MROH2B: variants seen among roughly 807,000 people sequenced by gnomAD.
MROH2B encodes the protein maestro heat-like repeat-containing protein family member 2B.
In MROH2B, 177 loss-of-function variants were observed where a neutral mutation model predicts 208.6. The observed-to-expected ratio is 0.85, with a 90% CI of 0.75 to 0.96. The LOEUF (loss-of-function observed/expected upper bound fraction) is 0.96, where lower values mean the gene tolerates loss of function less well. Among genes scored for constraint, MROH2B ranks in the 40% least tolerant of loss-of-function variants. MROH2B has a pLI of 0.00. For synonymous variants in MROH2B, 728 were observed against 659.0 expected (o/e 1.10, Z -1.60); for missense variants, 2,002 against 1,878.7 (o/e 1.07, Z -1.21).
chr5:41,055,766 A>C lies in MROH2B; in HGVS notation c.1009T>G (p.Leu337Val), dbSNP rs752302843. The C allele has an allele frequency of 6.2e-7, 1 of 1,613,854 alleles. No homozygotes were observed. Among genetic ancestry groups the C allele is most frequent in the South Asian group, 1.1e-5 (1 of 91,076 alleles). Residue 337 changes from leucine (L) to valine (V), a missense_variant, in exon 10 of 42, where the codon TTA becomes GTA. By Grantham distance (32) the Leu-to-Val change is conservative. Coordinates refer to ENST00000399564, the MANE Select transcript of MROH2B (RefSeq NM_173489.5). ...EAIRVGILTL[L>V]RLAVNADEPR... ...CCATCAGCATTGACAGCCAATCTTAACAAAGTCAAGATTCCCACTCGAATG... is the reference window on the plus strand; with the variant it reads ...CCATCAGCATTGACAGCCAATCTTACCAAAGTCAAGATTCCCACTCGAATG...
At chr5:41,020,694 A>T (rs996856542) in intron 24 of MROH2B, among the ~76,000 whole-genome samples, 8 of 152,250 alleles carry the variant, frequency 5.3e-5, no homozygotes, top group African/African-American at 1.9e-4. Flanking sequence ...TATAGTTTTT[A>T]AAACAGGCAA....
chr5:41,008,558 T>C (rs774320383), intron 33 of MROH2B, 48 bp downstream of exon 33: 26 of 1,595,498 alleles, frequency 1.6e-5, no homozygotes, highest in Admixed American at 8.4e-5. Flanking sequence ...ACTCCTGGAG[T>C]CTGGGATTAG....
At chr5:41,033,494 G>GT (rs1344235436) in intron 22 of MROH2B, among the ~76,000 whole-genome samples, 1 of 152,046 alleles carries the variant, frequency 6.6e-6, no homozygotes, top group Non-Finnish European at 1.5e-5. Flanking sequence ...AATAGTTATA[G>GT]TTTTTACAAG....
chr5:41,033,223 A>G lies in MROH2B; in HGVS notation c.2242-63T>C, dbSNP rs917817529. On this transcript the variant is annotated intron_variant, in intron 22 of 41. Transcript: ENST00000399564. Reference sequence around the variant, plus strand: ...AGACACCACACTCAGGTCTATTAACATGTGACCTAGCTTTGAAATATGTTC... The same window carrying G: ...AGACACCACACTCAGGTCTATTAACGTGTGACCTAGCTTTGAAATATGTTC... 39 of 1,584,352 alleles carry G rather than the reference A, an allele frequency of 2.5e-5. No homozygotes were observed. In the African/African-American group the frequency reaches 4.3e-4, roughly 17 times the overall value.
At chr5:41,012,042 T>C (rs1741790400) in intron 30 of MROH2B, among the ~76,000 whole-genome samples, 1 of 152,224 alleles carries the variant, frequency 6.6e-6, no homozygotes, top group South Asian at 2.1e-4. Context: ...GAGAGGCATT[T>C]CCATTTGGAG....
At chr5:41,013,222 A>T (rs994639141) in intron 29 of MROH2B, among the ~76,000 whole-genome samples, 8 of 152,190 alleles carry the variant, frequency 5.3e-5, no homozygotes, top group African/African-American at 1.9e-4. Context: ...TGGAGTATGG[A>T]TTATTATGAG....
At chr5:41,000,392 G>C (rs760354092) in intron 38 of MROH2B, 41 bp from the exon 39 acceptor site, 1 of 1,603,348 alleles carries the variant, frequency 6.2e-7, no homozygotes, top group African/African-American at 1.3e-5. Flanking sequence ...CAGAACGTTA[G>C]GATCTCCTTC....
intron 24 of MROH2B, among the ~76,000 whole-genome samples, chr5:41,023,970 G>T (rs543364468): frequency 2.6e-5 from 4 of 152,244 alleles, no homozygotes; most frequent in Admixed American, 1.3e-4. Flanking sequence ...ATCCTTTCCA[G>T]ACAAGCAAAT....
chr5:41,012,437 C>T (rs1404747522), intron 30 of MROH2B, 146 bp downstream of exon 30: 3 of 699,254 alleles, frequency 4.3e-6, no homozygotes, highest in African/African-American at 1.8e-5. Flanking sequence ...TTGTTAAACA[C>T]ACAACGTAGG....
intron 11 of MROH2B, among the ~76,000 whole-genome samples, chr5:41,053,230 A>G (rs762429304): frequency 2.0e-5 from 3 of 152,172 alleles, no homozygotes; most frequent in African/African-American, 4.8e-5. Flanking sequence ...ATTTAGTGCC[A>G]ACTCATTTGG....
chr5:40,998,400 CG>C (rs1303127151), intron 41 of MROH2B, among the ~76,000 whole-genome samples: 1 of 152,150 alleles, frequency 6.6e-6, no homozygotes, highest in Admixed American at 6.5e-5. Context: ...ATTGGAAAAT[CG>C]TAGTCTATTG....
intron 35 of MROH2B, chr5:41,005,143 A>G (rs936916657): frequency 1.7e-6 from 1 of 572,762 alleles, no homozygotes; most frequent in African/African-American, 1.9e-5. Context: ...TTACCTGCAT[A>G]ACAGATGTCT....
intron 26 of MROH2B, 64 bp from the exon 27 acceptor site, chr5:41,018,494 T>C: frequency 6.5e-7 from 1 of 1,537,368 alleles, no homozygotes. Context: ...TTTCATATTC[T>C]CTTTTTCTGT....
intron 30 of MROH2B, among the ~76,000 whole-genome samples, chr5:41,010,830 C>T (rs1197271013): frequency 1.3e-5 from 2 of 152,244 alleles, no homozygotes; most frequent in South Asian, 2.1e-4. Flanking sequence ...AACAAATCTA[C>T]TCTGGTGGGA....
At chr5:41,069,825 A>C (rs528399052) in intron 1 of MROH2B, 73 bp from the exon 2 acceptor site, 5 of 1,147,702 alleles carry the variant, frequency 4.4e-6, no homozygotes, top group Middle Eastern at 2.1e-4. Context: ...TGTAATCAAC[A>C]CAGAAAGTTC....
Position 41,004,159 on chromosome 5 carries a change from T to C in MROH2B, c.4194+187A>G, listed in dbSNP as rs574913875. ...TAGATCAATCATGACTGCCAGGCCA[T>C]AGAGCACCCTCAGGCAGAGAGATAC... On this transcript the variant is annotated intron_variant, in intron 37 of 41. Coordinates refer to ENST00000399564, the MANE Select transcript of MROH2B (RefSeq NM_173489.5). Among the ~76,000 whole-genome samples, 126 of 152,274 alleles carry C rather than the reference T, an allele frequency of 8.3e-4. 4 individuals are homozygous for C. The South Asian group carries it at 0.025, about 30-fold the overall frequency.
chr5:41,026,307 C>G (rs186307057), intron 24 of MROH2B, among the ~76,000 whole-genome samples: 2,212 of 152,304 alleles, frequency 0.015, 25 homozygotes, highest in Non-Finnish European at 0.022. Flanking sequence ...AGCCCAAAAT[C>G]TACTTAAGCT....
intron 17 of MROH2B, 115 bp downstream of exon 17, chr5:41,047,606 G>T: frequency 2.1e-6 from 2 of 937,616 alleles, no homozygotes; most frequent in Non-Finnish European, 3.3e-6. Context: ...CTTTTCCAAA[G>T]AAAGGAAAAG....
chr5:41,060,924 T>A (rs1361727825), intron 6 of MROH2B, among the ~76,000 whole-genome samples: 1 of 152,196 alleles, frequency 6.6e-6, no homozygotes, highest in Admixed American at 6.5e-5. Context: ...GTTAAACCTT[T>A]TATAATAAAG....
Sources: allele counts gnomAD v4.1 joint callset (sites outside exome capture counted in the v4.1 genomes callset), GRCh38; gene constraint gnomAD v4.1.1; transcripts MANE v1.5; gene names NCBI Gene and HGNC (gene_info 2026-07-23, HGNC 2026-07-21).